PLCL1: variants seen among roughly 807,000 people sequenced by gnomAD.
PLCL1 encodes phospholipase C like 1 (inactive), also known as inactive phospholipase C-like protein 1.
Under a neutral mutation model 84.4 loss-of-function variants are expected in PLCL1, and 41 were observed. The observed-to-expected ratio is 0.49, with a 90% confidence interval of 0.38 to 0.63. PLCL1 has a LOEUF of 0.63. PLCL1 is among the 30% of genes least tolerant of loss of function. The pLI, the probability that PLCL1 is intolerant of heterozygous loss-of-function variation, is 0.00. For missense variants in PLCL1, 1,206 were observed against 1,367.8 expected, an observed-to-expected ratio of 0.88 and a Z score of 1.87; for synonymous variants, 490 against 488.3, an observed-to-expected ratio of 1.00 and a Z score of -0.05.
At chr2:197,853,798 A>G (rs550131039) in intron 1 of PLCL1, among the ~76,000 whole-genome samples, 127 of 152,134 alleles carry the variant, frequency 8.3e-4, no homozygotes, top group African/African-American at 2.9e-3. Context: ...TGGCACCTCT[A>G]TCATTGTACC....
At chr2:197,961,238 G>GGAGAGAGAGAGA (rs60411488) in intron 1 of PLCL1, among the ~76,000 whole-genome samples, 1,732 of 146,022 alleles carry the variant, frequency 0.012, 24 homozygotes, top group East Asian at 0.06. Context: ...TTGGGAAGGT[G>GGAGAGAGAGAGA]GAGAGAGAGA....
chr2:198,005,710 A>G (rs1690712844), intron 1 of PLCL1, among the ~76,000 whole-genome samples: 1 of 152,196 alleles, frequency 6.6e-6, no homozygotes, highest in Non-Finnish European at 1.5e-5. Flanking sequence ...GAGACTGGTT[A>G]ACTGGGCAGA....
At chr2:197,903,666 T>G in intron 1 of PLCL1, among the ~76,000 whole-genome samples, 1 of 139,274 alleles carries the variant, frequency 7.2e-6, no homozygotes, top group African/African-American at 2.7e-5. Flanking sequence ...TTTTTTTTTT[T>G]TTTTTTTTTT....
intron 1 of PLCL1, among the ~76,000 whole-genome samples, chr2:198,004,554 A>T (rs1046299417): frequency 6.6e-6 from 1 of 152,166 alleles, no homozygotes; most frequent in Non-Finnish European, 1.5e-5. Context: ...GTTAAAAAAA[A>T]CTTTGTGGCT....
At chr2:198,077,149 T>C (rs1172807360) in intron 1 of PLCL1, among the ~76,000 whole-genome samples, 1 of 152,154 alleles carries the variant, frequency 6.6e-6, no homozygotes, top group Non-Finnish European at 1.5e-5. Context: ...CCTGGCTGTC[T>C]TTCCCACTGA....
At chr2:197,885,961 A>G (rs538988756) in intron 1 of PLCL1, among the ~76,000 whole-genome samples, 1 of 152,328 alleles carries the variant, frequency 6.6e-6, no homozygotes, top group South Asian at 2.1e-4. Flanking sequence ...GACTATGGCC[A>G]TAGTAGGAGT....
intron 1 of PLCL1, among the ~76,000 whole-genome samples, chr2:197,951,437 C>T (rs1338599800): frequency 6.6e-6 from 1 of 152,024 alleles, no homozygotes; most frequent in Non-Finnish European, 1.5e-5. Context: ...CTGGCTCTTC[C>T]CCTGAAATTT....
At chr2:197,969,163 C>T (rs1309675313) in intron 1 of PLCL1, among the ~76,000 whole-genome samples, 4 of 152,168 alleles carry the variant, frequency 2.6e-5, no homozygotes, top group African/African-American at 9.7e-5. Context: ...AAACAACCTC[C>T]CACTCTGGTC....
chr2:198,075,551 G>C (rs898459975), intron 1 of PLCL1, among the ~76,000 whole-genome samples: 1 of 152,200 alleles, frequency 6.6e-6, no homozygotes, highest in Non-Finnish European at 1.5e-5. Flanking sequence ...GACTGGGAAG[G>C]ATACAAGAGG....
At chr2:197,910,618 A>G (rs1218571569) in intron 1 of PLCL1, among the ~76,000 whole-genome samples, 2 of 152,180 alleles carry the variant, frequency 1.3e-5, no homozygotes, top group Non-Finnish European at 2.9e-5. Flanking sequence ...TCTTCATCCT[A>G]TTCATCTCTG....
At chr2:197,903,872 G>T (rs1391046688) in intron 1 of PLCL1, among the ~76,000 whole-genome samples, 4 of 146,206 alleles carry the variant, frequency 2.7e-5, no homozygotes, top group African/African-American at 1.0e-4. Context: ...GTGCGATCTC[G>T]GCTCACTGCA....
chr2:198,103,701 T>A, intron 4 of PLCL1, 126 bp from the exon 5 acceptor site: 1 of 552,134 alleles, frequency 1.8e-6, no homozygotes. Flanking sequence ...ATAATTCAAT[T>A]TAGGGATTTG....
chr2:197,940,106 G>GTTT (rs145792435), intron 1 of PLCL1, among the ~76,000 whole-genome samples: 8 of 151,382 alleles, frequency 5.3e-5, no homozygotes, highest in African/African-American at 1.9e-4. Flanking sequence ...TCTCCAAATT[G>GTTT]TTTTTTTTGA....
chr2:198,145,561 C>A (rs896917778), intron 5 of PLCL1, among the ~76,000 whole-genome samples: 1 of 152,152 alleles, frequency 6.6e-6, no homozygotes, highest in African/African-American at 2.4e-5. Context: ...AATCCCATAC[C>A]ATAATTGATG....
chr2:198,002,007 T>C (rs925875491), intron 1 of PLCL1: 1 of 436,178 alleles, frequency 2.3e-6, no homozygotes, highest in Admixed American at 2.4e-5. Flanking sequence ...TTCTTCATTA[T>C]GGTGAGTTGT....
intron 1 of PLCL1, among the ~76,000 whole-genome samples, chr2:197,908,858 C>T (rs1012944163): frequency 6.6e-6 from 1 of 150,486 alleles, no homozygotes; most frequent in Non-Finnish European, 1.5e-5. Context: ...TGTAAAAATA[C>T]TTTATATTTT....
At chr2:198,094,357 A>G (rs531498690) in intron 3 of PLCL1, among the ~76,000 whole-genome samples, 3 of 152,186 alleles carry the variant, frequency 2.0e-5, no homozygotes, top group African/African-American at 4.8e-5. Context: ...CACCGTGCCC[A>G]GCCTTAAAAG....
At chr2:198,009,238 A>C (rs1325206603) in intron 1 of PLCL1, among the ~76,000 whole-genome samples, 3 of 151,874 alleles carry the variant, frequency 2.0e-5, no homozygotes, top group Admixed American at 6.6e-5. Flanking sequence ...TTTTGGTGTC[A>C]TATTTAAGAA....
In PLCL1 at chr2:198,112,567, A is replaced by T. The variant is rs112282431; in HGVS notation, c.3105+8631A>T. ...CCACAGTTCTACTGTTCAGACCTAC[A>T]ATCTGTCCTTTATCAACTGAGGAGT... On this transcript the variant is annotated intron_variant, in intron 5 of 5. Transcript: ENST00000428675. 6.5e-3 allele frequency among the ~76,000 whole-genome samples: 991 copies of T among 151,906 alleles called. 13 individuals are homozygous for T. Among genetic ancestry groups the T allele is most frequent in the African/African-American group, 0.022 (929 of 41,498 alleles).
Sources: allele counts gnomAD v4.1 joint callset (sites outside exome capture counted in the v4.1 genomes callset), GRCh38; gene constraint gnomAD v4.1.1; transcripts MANE v1.5; gene names NCBI Gene and HGNC (gene_info 2026-07-23, HGNC 2026-07-21).